LEPR: variants seen among roughly 807,000 people sequenced by gnomAD.
LEPR encodes leptin receptor.
In LEPR, 56 loss-of-function variants were observed where a neutral mutation model predicts 114.7. The ratio of observed to expected loss-of-function variants is 0.49; its 90% CI spans 0.39 to 0.61. LEPR has a LOEUF of 0.61. LEPR is among the 20% of genes least tolerant of loss of function. The pLI is 0.00. For missense variants in LEPR, 1,202 were observed against 1,352.9 expected (o/e 0.89, Z 1.75); for synonymous variants, 443 against 461.4 (o/e 0.96, Z 0.51).
intron 19 of LEPR, chr1:65,626,149 G>C (rs1190784307): frequency 6.2e-7 from 1 of 1,612,362 alleles, no homozygotes; most frequent in Non-Finnish European, 8.5e-7. Flanking sequence ...AGGAACTACT[G>C]GGTGGAGGTT....
intron 3 of LEPR, 107 bp downstream of exon 3, chr1:65,565,712 T>C: frequency 7.3e-7 from 1 of 1,364,510 alleles, no homozygotes; most frequent in Non-Finnish European, 1.0e-6. Context: ...CTATTTCTAG[T>C]TAGGAATTCT....
chr1:65,425,210 A>G (rs781128120), intron 1 of LEPR, 93 bp from the exon 2 acceptor site: 26 of 998,258 alleles, frequency 2.6e-5, no homozygotes, highest in Non-Finnish European at 3.7e-5. Context: ...GAAACTCTGG[A>G]CCTATTAGAA....
chr1:65,466,859 A>G (rs1647019881), intron 2 of LEPR, among the ~76,000 whole-genome samples: 1 of 152,150 alleles, frequency 6.6e-6, no homozygotes, highest in South Asian at 2.1e-4. Flanking sequence ...TTCTTGTGCC[A>G]TGGTTTTCAG....
At chr1:65,549,604 T>G (rs1209937637) in intron 2 of LEPR, among the ~76,000 whole-genome samples, 1 of 152,240 alleles carries the variant, frequency 6.6e-6, no homozygotes, top group Non-Finnish European at 1.5e-5. Context: ...GTTGATCGCA[T>G]TGGCTCCTGA....
rs1217054198 is a variant in LEPR at position 65,610,314 on chromosome 1, A to G, written c.1995+18A>G. Reference sequence around the variant, plus strand: ...TTTGGAAGGTATTCCCAATTTTAATATTAATCTTAAATTGTATTTTTATAC... The same window carrying G: ...TTTGGAAGGTATTCCCAATTTTAATGTTAATCTTAAATTGTATTTTTATAC... On this transcript the variant is annotated intron_variant, in intron 14 of 19. Transcript: ENST00000349533. 1 of 1,574,154 alleles carries G rather than the reference A, an allele frequency of 6.4e-7. No individual in the cohort carries two copies. Among genetic ancestry groups the G allele is most frequent in the Admixed American group, 1.7e-5 (1 of 59,608 alleles).
chr1:65,488,024 CTT>C (rs1647590671), intron 2 of LEPR, among the ~76,000 whole-genome samples: 1 of 142,592 alleles, frequency 7.0e-6, no homozygotes, highest in Non-Finnish European at 1.5e-5. Context: ...CTTCCTTTCT[CTT>C]TCTTTCTTTG....
chr1:65,509,144 T>C (rs1390920827), intron 2 of LEPR, among the ~76,000 whole-genome samples: 1 of 152,148 alleles, frequency 6.6e-6, no homozygotes, highest in Non-Finnish European at 1.5e-5. Context: ...AAGAGATAAT[T>C]TTACTTCTTT....
chr1:65,576,783 C>T, intron 5 of LEPR: 1 of 228,590 alleles, frequency 4.4e-6, no homozygotes, highest in Non-Finnish European at 9.1e-6. Context: ...TCAGGAGATC[C>T]ATATGGTCCC....
chr1:65,541,981 A>G (rs1011375355), intron 2 of LEPR, among the ~76,000 whole-genome samples: 1 of 152,234 alleles, frequency 6.6e-6, no homozygotes, highest in African/African-American at 2.4e-5. Context: ...AGGTAAAAAT[A>G]ACACAAATAA....
intron 2 of LEPR, among the ~76,000 whole-genome samples, chr1:65,505,726 T>C (rs1648690914): frequency 6.7e-6 from 1 of 149,722 alleles, no homozygotes. Flanking sequence ...TTTCCTGCTG[T>C]TGCTAGTCTC....
chr1:65,565,463 T>C (rs570432685), intron 2 of LEPR, 83 bp from the exon 3 acceptor site: 424 of 1,342,208 alleles, frequency 3.2e-4, no homozygotes, highest in Non-Finnish European at 4.4e-4. Context: ...ATAATCCCTT[T>C]CCTTTTATGT....
chr1:65,475,618 C>A (rs1288975498), intron 2 of LEPR, among the ~76,000 whole-genome samples: 1 of 152,140 alleles, frequency 6.6e-6, no homozygotes, highest in Non-Finnish European at 1.5e-5. Context: ...CAAAGGTGGT[C>A]TTTGGCTGCT....
intron 2 of LEPR, among the ~76,000 whole-genome samples, chr1:65,518,994 CCTTCTTT>C (rs1229075585): frequency 5.8e-5 from 4 of 69,422 alleles, no homozygotes; most frequent in East Asian, 6.7e-4. Context: ...TTCCTTCCTT[CCTTCTTT>C]CTTCTTTCTT....
At chr1:65,426,295 A>T (rs1284557351) in intron 2 of LEPR, among the ~76,000 whole-genome samples, 3 of 138,316 alleles carry the variant, frequency 2.2e-5, no homozygotes, top group African/African-American at 3.4e-5. Flanking sequence ...GTACAGCATA[A>T]ATTGTAGTGG....
At chr1:65,551,721 T>A (rs1652380889) in intron 2 of LEPR, among the ~76,000 whole-genome samples, 1 of 152,164 alleles carries the variant, frequency 6.6e-6, no homozygotes, top group South Asian at 2.1e-4. Context: ...TCTGCCCTGA[T>A]CTTAGTTATT....
chr1:65,602,769 T>G (rs899882872), intron 10 of LEPR, among the ~76,000 whole-genome samples: 1 of 152,132 alleles, frequency 6.6e-6, no homozygotes, highest in African/African-American at 2.4e-5. Context: ...TCAAATACTG[T>G]GATCTGAAGT....
intron 8 of LEPR, among the ~76,000 whole-genome samples, chr1:65,599,662 G>C (rs1386613325): frequency 6.6e-6 from 1 of 152,016 alleles, no homozygotes; most frequent in Non-Finnish European, 1.5e-5. Context: ...ACCTTTCTAT[G>C]CCTTAATTTC....
intron 2 of LEPR, among the ~76,000 whole-genome samples, chr1:65,459,028 G>A (rs970414304): frequency 7.9e-5 from 12 of 152,188 alleles, no homozygotes; most frequent in African/African-American, 2.9e-4. Context: ...ATAGGTGAAA[G>A]GAACTGATGT....
At position 65,559,866 on chromosome 1, in the gene LEPR, T is replaced by C. The variant is rs1280183805; in HGVS notation, c.-20-5680T>C. On this transcript the variant is annotated intron_variant, in intron 2 of 19. Coordinates refer to ENST00000349533, the MANE Select transcript of LEPR (RefSeq NM_002303.6). ...GTCAAAGATCAGATAGTTGTAGGTA[T>C]GCGGCATTATTTCTGAGGGCTCTGT... Among the ~76,000 whole-genome samples the C allele has an allele frequency of 6.2e-4, 83 of 133,528 alleles. 2 individuals carry two copies. In the East Asian group the frequency reaches 0.017, roughly 27 times the overall value. The allele number at this position is 133,528 out of a possible 152,430, so 87.6% of individuals were successfully genotyped here.
Sources: gnomAD v4.1 joint callset for allele counts (sites outside exome capture counted in the v4.1 genomes callset) on GRCh38, gnomAD v4.1.1 for gene constraint, MANE v1.5 for transcripts, NCBI Gene and HGNC (gene_info 2026-07-23, HGNC 2026-07-21) for gene names.